The following BPI variants were observed in gnomAD, a reference collection of about 807,000 sequenced individuals.
The protein encoded by BPI is bactericidal permeability-increasing protein.
BPI carries 48 observed loss-of-function variants against 57.6 expected under a neutral mutation model. The ratio of observed to expected loss-of-function variants is 0.83; its 90% CI spans 0.66 to 1.06. BPI has a LOEUF of 1.06. Among genes scored for constraint, BPI ranks in the 50% least tolerant of loss-of-function variants. The pLI is 0.00. For missense variants in BPI, 651 were observed against 609.7 expected (o/e 1.07, Z -0.71); for synonymous variants, 237 against 238.2 (o/e 0.99, Z 0.05).
At chr20:38,322,056 A>G (rs1600707285) in intron 7 of BPI, among the ~76,000 whole-genome samples, 1 of 152,220 alleles carries the variant, frequency 6.6e-6, no homozygotes, top group Non-Finnish European at 1.5e-5. Context: ...CTCAACACGT[A>G]TCATAGGAAC....
At chr20:38,310,736 A>C (rs2076618077) in intron 4 of BPI, 84 bp downstream of exon 4, 1 of 1,526,430 alleles carries the variant, frequency 6.6e-7, no homozygotes, top group Admixed American at 1.8e-5. Flanking sequence ...AAACACATCC[A>C]GAGTGCCACC....
chr20:38,331,138 C>T lies in BPI; in HGVS notation c.1272+48C>T, dbSNP rs754576917. 15 of 1,584,462 alleles carry T rather than the reference C, an allele frequency of 9.5e-6. No individual in the cohort carries two copies. In the Middle Eastern group the frequency reaches 6.6e-4, roughly 70 times the overall value. On this transcript the variant is annotated intron_variant, in intron 12 of 14. Coordinates refer to ENST00000642449, the MANE Select transcript of BPI (RefSeq NM_001725.3). ...CTTCTTCCTCCTTCTGACCTGGCGGCGGGGAGGGGGACATGTCATAGGCTC... is the reference window on the plus strand; with the variant it reads ...CTTCTTCCTCCTTCTGACCTGGCGGTGGGGAGGGGGACATGTCATAGGCTC...
chr20:38,323,992 C>A lies in BPI; in HGVS notation c.879C>A (p.Ala293=), dbSNP rs767125785. The A allele has an allele frequency of 3.7e-6, 6 of 1,614,136 alleles. No individual in the cohort carries two copies. The Admixed American group carries it at 8.3e-5, about 22-fold the overall frequency. ...LGLSDYFFNT[A]GLVYQEAGVL... is the part of the protein sequence containing the mutation. ...TCTCAGACTACTTCTTCAACACAGC[C>A]GGGCTTGTATACCAAGAGGCTGGGG... Residue 293 remains alanine, a synonymous_variant, in exon 8 of 15, where the codon GCC becomes GCA. Coordinates refer to ENST00000642449, the MANE Select transcript of BPI (RefSeq NM_001725.3).
rs376790122 is a variant in BPI at position 38,313,926 on chromosome 20, G to A, written c.600+1989G>A. Among the ~76,000 whole-genome samples, 8 of 151,650 alleles carry A rather than the reference G, an allele frequency of 5.3e-5. No homozygotes were observed. The East Asian group carries it at 1.2e-3, about 22-fold the overall frequency. The stretch of plus-strand genomic sequence containing the variant: ...TGATTCTGAGGATGATAATGATGAT[G>A]GCGATGATGGTGATGATGGTGATGG... On this transcript the variant is annotated intron_variant, in intron 5 of 14. Coordinates refer to ENST00000642449, the MANE Select transcript of BPI (RefSeq NM_001725.3).
At chr20:38,320,406 C>A in intron 7 of BPI, 132 bp downstream of exon 7, 1 of 771,624 alleles carries the variant, frequency 1.3e-6, no homozygotes, top group Non-Finnish European at 2.1e-6. Context: ...TCTCTACTCT[C>A]CCCGCCTCTC....
intron 5 of BPI, 45 bp downstream of exon 5, chr20:38,311,982 C>T (rs374901420): frequency 6.3e-7 from 1 of 1,577,088 alleles, no homozygotes; most frequent in African/African-American, 1.3e-5. Context: ...GGAGAAGGGC[C>T]CTTAGTAACC....
rs145766396 is a variant in BPI at position 38,326,545 on chromosome 20, A to G, written c.1161+113A>G. 761 of 1,286,778 alleles carry G rather than the reference A, an allele frequency of 5.9e-4. 3 individuals carry two copies. The African/African-American group carries it at 0.011, about 18-fold the overall frequency. 79.7% of individuals were successfully genotyped at this position (1,286,778 alleles called of 1,614,324 possible). A position where few individuals can be genotyped will look rare whatever the true frequency, so the allele number is the denominator to read the frequency against. On this transcript the variant is annotated intron_variant, in intron 10 of 14. Coordinates refer to ENST00000642449, the MANE Select transcript of BPI (RefSeq NM_001725.3). ...TCTGGATTCAAACCTGGACTGTGTC[A>G]CTCCGGAGCCTGAGGCTTGAGTCAC...
At position 38,310,588 on chromosome 20, in the gene BPI, ACCTGCT is replaced by A; in HGVS notation, c.475_480del (p.Cys159_Ser160del). The stretch of plus-strand genomic sequence containing the variant: ...CCCCACGTCAGGCAAGCCCACCATC[ACCTGCT>A]CCAGCTGCAGCAGCCACATCAACAG... On this transcript the variant is annotated inframe_deletion, in exon 4 of 15. Coordinates refer to ENST00000642449, the MANE Select transcript of BPI (RefSeq NM_001725.3). 1 of 1,613,936 alleles carries A rather than the reference ACCTGCT, an allele frequency of 6.2e-7. No homozygotes were observed. The highest frequency in any genetic ancestry group is 2.2e-5 in the East Asian group (1 of 44,864).
chr20:38,313,749 TGGTGATGGTGATGAC>T, intron 5 of BPI, among the ~76,000 whole-genome samples: 1 of 151,398 alleles, frequency 6.6e-6, no homozygotes, highest in East Asian at 2.0e-4. Context: ...AGGATGATAA[TGGTGATGGTGATGAC>T]GGTGATGGTG....
intron 5 of BPI, 96 bp downstream of exon 5, chr20:38,312,033 G>A: frequency 7.8e-7 from 1 of 1,286,404 alleles, no homozygotes; most frequent in Non-Finnish European, 1.1e-6. Context: ...TGTCACTCCA[G>A]ACCCCTTGGT....
intron 13 of BPI, among the ~76,000 whole-genome samples, chr20:38,334,787 A>G (rs2076759018): frequency 6.6e-6 from 1 of 152,168 alleles, no homozygotes; most frequent in South Asian, 2.1e-4. Context: ...GAAGAACAGA[A>G]TGGTTTAGTG....
Position 38,304,296 on chromosome 20 carries a change from A to G in BPI, c.73A>G (p.Thr25Ala), listed in dbSNP as rs1200227491. 2 of 1,614,144 alleles carry G rather than the reference A, an allele frequency of 1.2e-6. No homozygotes were observed. Among genetic ancestry groups the G allele is most frequent in the Non-Finnish European group, 1.7e-6 (2 of 1,180,032 alleles). Residue 25 changes from threonine to alanine, a missense_variant, in exon 1 of 15, where the codon ACA becomes GCA. By Grantham distance (58) the Thr-to-Ala change is moderately conservative. Coordinates refer to ENST00000642449, the MANE Select transcript of BPI (RefSeq NM_001725.3). ...GCTGGTCGCCATAGGCACCGCCGTGACAGCGGCCGTCAACCCTGGCGTCGT... is the reference window on the plus strand; with the variant it reads ...GCTGGTCGCCATAGGCACCGCCGTGGCAGCGGCCGTCAACCCTGGCGTCGT... ...MVLVAIGTAV[T>A]AAVNPGVVVR...
chr20:38,332,336 G>A (rs928496129), intron 12 of BPI, among the ~76,000 whole-genome samples: 21 of 152,290 alleles, frequency 1.4e-4, no homozygotes, highest in Non-Finnish European at 2.9e-4. Flanking sequence ...GAGGAGGCTG[G>A]TGTGTTTGTC....
intron 12 of BPI, among the ~76,000 whole-genome samples, chr20:38,331,658 A>G (rs565278323): frequency 6.6e-6 from 1 of 152,248 alleles, no homozygotes; most frequent in East Asian, 1.9e-4. Context: ...AGCCTGGGCA[A>G]CATAGCAAGA....
intron 6 of BPI, among the ~76,000 whole-genome samples, 160 bp downstream of exon 6, chr20:38,318,636 G>A (rs763923439): frequency 1.3e-5 from 2 of 152,122 alleles, no homozygotes; most frequent in Non-Finnish European, 2.9e-5. Flanking sequence ...AGCTAGCATT[G>A]GGTCAAGTCC....
At chr20:38,325,726 G>A (rs964065715) in intron 9 of BPI, among the ~76,000 whole-genome samples, 3 of 152,254 alleles carry the variant, frequency 2.0e-5, no homozygotes, top group Non-Finnish European at 2.9e-5. Context: ...AGCTCTGGTT[G>A]GGGGGAGAGG....
chr20:38,317,583 A>C, intron 5 of BPI: 1 of 707,550 alleles, frequency 1.4e-6, no homozygotes. Context: ...TTATGACCTC[A>C]CCTCTGAAGT....
intron 4 of BPI, 132 bp from the exon 5 acceptor site, chr20:38,311,742 T>C: frequency 1.3e-6 from 1 of 768,072 alleles, no homozygotes; most frequent in East Asian, 2.5e-5. Flanking sequence ...TGTGTGCAGT[T>C]AGAGCTCAGA....
intron 1 of BPI, among the ~76,000 whole-genome samples, chr20:38,305,663 C>G (rs1279699326): frequency 6.6e-6 from 1 of 152,158 alleles, no homozygotes; most frequent in Non-Finnish European, 1.5e-5. Context: ...GACCAGAAGG[C>G]CTGGGTTCAA....
Sources: gnomAD v4.1 joint callset for allele counts (sites outside exome capture counted in the v4.1 genomes callset) on GRCh38, gnomAD v4.1.1 for gene constraint, MANE v1.5 for transcripts, NCBI Gene and HGNC (gene_info 2026-07-23, HGNC 2026-07-21) for gene names.